Variants in MCOLN3 observed in about 807,000 individuals in gnomAD.
The protein encoded by MCOLN3 is mucolipin-3.
In MCOLN3, 62 loss-of-function variants were observed where a neutral mutation model predicts 69.4. The observed-to-expected ratio is 0.89, with a 90% CI of 0.73 to 1.10. The LOEUF is 1.10. Among genes scored for constraint, MCOLN3 ranks in the 50% least tolerant of loss-of-function variants. MCOLN3 has a pLI of 0.00. For synonymous variants in MCOLN3, 183 were observed against 217.0 expected (o/e 0.84, Z 1.38); for missense variants, 564 against 656.4 (o/e 0.86, Z 1.54).
intron 6 of MCOLN3, among the ~76,000 whole-genome samples, chr1:85,031,585 A>G (rs1471864646): frequency 6.6e-6 from 1 of 152,188 alleles, no homozygotes; most frequent in Non-Finnish European, 1.5e-5. Flanking sequence ...TTTTTTAAAC[A>G]TACAAAAGCT....
chr1:85,041,971 T>C (rs1482203724), intron 2 of MCOLN3, among the ~76,000 whole-genome samples: 1 of 147,322 alleles, frequency 6.8e-6, no homozygotes, highest in Non-Finnish European at 1.5e-5. Context: ...CACACACAAA[T>C]GCACACACAG....
At position 85,019,127 on chromosome 1, in the gene MCOLN3, T is replaced by G. The variant is rs752524631; in HGVS notation, c.1658A>C (p.Lys553Thr). Reference sequence around the variant, plus strand: ...AAGTACAGATAAACCTGATAGCTACTTTTTACAACAGCAGAATAAAGATAC... The same window carrying G: ...AAGTACAGATAAACCTGATAGCTACGTTTTACAACAGCAGAATAAAGATAC... ...PPVSLFCCCK[K>T] The change falls in exon 13 of 13, where the codon AAG becomes ACG. Residue 553 changes from lysine to threonine, a missense_variant. Lys to Thr is a moderately conservative substitution (Grantham distance 78). Coordinates refer to ENST00000370589, the MANE Select transcript of MCOLN3 (RefSeq NM_018298.11). The G allele has an allele frequency of 1.2e-6, 2 of 1,613,186 alleles. No individual in the cohort carries two copies. Among genetic ancestry groups the G allele is most frequent in the South Asian group, 2.2e-5 (2 of 90,786 alleles).
chr1:85,031,660 CCAGATA>C (rs1438851516), intron 6 of MCOLN3, among the ~76,000 whole-genome samples: 1 of 152,126 alleles, frequency 6.6e-6, no homozygotes, highest in Non-Finnish European at 1.5e-5. Flanking sequence ...GAAAATAATA[CCAGATA>C]CAAACTGGGA....
chr1:85,046,996 C>G (rs2102948934), intron 1 of MCOLN3, among the ~76,000 whole-genome samples: 1 of 152,164 alleles, frequency 6.6e-6, no homozygotes, highest in East Asian at 1.9e-4. Context: ...TTCAAAAAGG[C>G]AGGATATTTT....
chr1:85,032,859 C>A lies in MCOLN3; in HGVS notation c.635+13G>T. 6.2e-7 allele frequency: 1 copy of A among 1,614,096 alleles called. No homozygotes were observed. Among genetic ancestry groups the A allele is most frequent in the African/African-American group, 1.3e-5 (1 of 75,068 alleles). On this transcript the variant is annotated intron_variant, in intron 5 of 12. Coordinates refer to ENST00000370589, the MANE Select transcript of MCOLN3 (RefSeq NM_018298.11). ...GTGCAAACGTAAGTTACACTCCTGT[C>A]TGCTCCCCTCACCTGTGGAAGTCCA... is the stretch of plus-strand genomic sequence containing the variant.
At chr1:85,037,571 C>T (rs1276837418) in intron 3 of MCOLN3, among the ~76,000 whole-genome samples, 3 of 152,334 alleles carry the variant, frequency 2.0e-5, no homozygotes, top group South Asian at 2.1e-4. Context: ...CACATAGTTA[C>T]GTTATATAAT....
At chr1:85,029,384 C>T (rs1287701896) in intron 6 of MCOLN3, 179 bp from the exon 7 acceptor site, 21 of 562,040 alleles carry the variant, frequency 3.7e-5, no homozygotes, top group East Asian at 6.0e-5. Flanking sequence ...GAAATGAGAA[C>T]GATGAACTAG....
At chr1:85,019,970 G>T (rs900855892) in intron 12 of MCOLN3, among the ~76,000 whole-genome samples, 1 of 152,182 alleles carries the variant, frequency 6.6e-6, no homozygotes, top group Admixed American at 6.5e-5. Flanking sequence ...CTGAGCCCAC[G>T]GAAAGAGGTT....
At chr1:85,047,836 A>G (rs1473603955) in intron 1 of MCOLN3, among the ~76,000 whole-genome samples, 1 of 152,256 alleles carries the variant, frequency 6.6e-6, no homozygotes, top group African/African-American at 2.4e-5. Context: ...GCGATGTCCC[A>G]GAGCGGTCGC....
intron 4 of MCOLN3, among the ~76,000 whole-genome samples, chr1:85,033,710 A>G (rs1652653876): frequency 1.3e-5 from 2 of 152,164 alleles, no homozygotes; most frequent in Admixed American, 1.3e-4. Flanking sequence ...ATGTTTTACA[A>G]ACATTATATC....
chr1:85,019,852 T>A (rs1557679782), intron 12 of MCOLN3, among the ~76,000 whole-genome samples: 1 of 152,132 alleles, frequency 6.6e-6, no homozygotes, highest in Non-Finnish European at 1.5e-5. Context: ...GCCAGGCAAG[T>A]TTGTTTAAGG....
At chr1:85,020,556 TG>T (rs1216464257) in intron 12 of MCOLN3, among the ~76,000 whole-genome samples, 1 of 152,264 alleles carries the variant, frequency 6.6e-6, no homozygotes, top group East Asian at 1.9e-4. Flanking sequence ...TAAAGCTACA[TG>T]CTAGTACTGG....
intron 6 of MCOLN3, among the ~76,000 whole-genome samples, chr1:85,031,782 G>GA: frequency 6.6e-6 from 1 of 151,996 alleles, no homozygotes; most frequent in East Asian, 1.9e-4. Flanking sequence ...ACTGTTTAAA[G>GA]AAAAAATAGG....
rs150135871 is a variant in MCOLN3 at position 85,018,150 on chromosome 1, A to C, written c.*973T>G. The stretch of plus-strand genomic sequence containing the variant: ...CTTTTTACTTTCTACTTTAACACTG[A>C]AGGAGGATAGAAAACTTGTAAATGA... On this transcript the variant is annotated 3_prime_UTR_variant, in exon 13 of 13. Coordinates refer to ENST00000370589, the MANE Select transcript of MCOLN3 (RefSeq NM_018298.11). 147 of 152,308 alleles carry C rather than the reference A, an allele frequency of 9.7e-4. No homozygotes were observed. The highest frequency in any genetic ancestry group is 3.4e-3 in the African/African-American group (142 of 41,578). The allele number at this position is 152,308 out of a possible 1,614,324, so 9.4% of individuals were successfully genotyped here.
At chr1:85,019,699 C>T (rs986281309) in intron 12 of MCOLN3, among the ~76,000 whole-genome samples, 1 of 152,160 alleles carries the variant, frequency 6.6e-6, no homozygotes, top group South Asian at 2.1e-4. Context: ...TCTAGTAGGC[C>T]AAGGGATGGA....
At chr1:85,047,660 C>G (rs1453269242) in intron 1 of MCOLN3, 1 of 152,272 alleles carries the variant, frequency 6.6e-6, no homozygotes, top group Non-Finnish European at 1.5e-5. Flanking sequence ...AAAGGCCTCC[C>G]AGTTGGCGAC....
chr1:85,019,779 C>CAAAGGTCTGAATG (rs1651833314), intron 12 of MCOLN3, among the ~76,000 whole-genome samples: 1 of 152,192 alleles, frequency 6.6e-6, no homozygotes, highest in African/African-American at 2.4e-5. Context: ...AGTGTCTGGA[C>CAAAGGTCTGAATG]AAAGGTCTGA....
intron 5 of MCOLN3, 31 bp downstream of exon 5, chr1:85,032,841 C>A (rs771807560): frequency 1.2e-6 from 2 of 1,613,858 alleles, no homozygotes; most frequent in Admixed American, 3.3e-5. Context: ...TACGTGCAAA[C>A]GTAAGTTACA....
chr1:85,037,441 C>T (rs562821703), intron 3 of MCOLN3, among the ~76,000 whole-genome samples: 1 of 152,242 alleles, frequency 6.6e-6, no homozygotes, highest in Non-Finnish European at 1.5e-5. Flanking sequence ...ACAAGAATCA[C>T]CTAAAGGTCT....
Sources: gnomAD v4.1 joint callset for allele counts (sites outside exome capture counted in the v4.1 genomes callset) on GRCh38, gnomAD v4.1.1 for gene constraint, MANE v1.5 for transcripts, NCBI Gene and HGNC (gene_info 2026-07-23, HGNC 2026-07-21) for gene names.